CCSER1: variants seen among roughly 807,000 people sequenced by gnomAD.
CCSER1 encodes coiled-coil serine rich protein 1, also known as serine-rich coiled-coil domain-containing protein 1.
A neutral mutation model predicts 82.0 loss-of-function variants in CCSER1; 41 were observed. The observed-to-expected ratio is 0.50, with a 90% CI of 0.39 to 0.65. The LOEUF is 0.65. Among genes scored for constraint, CCSER1 ranks in the 30% least tolerant of loss-of-function variants. The pLI, the probability that CCSER1 is intolerant of heterozygous loss-of-function variation, is 0.00. For missense variants in CCSER1, 1,119 were observed against 1,064.2 expected (o/e 1.05, Z -0.72); for synonymous variants, 414 against 383.9 (o/e 1.08, Z -0.92).
At chr4:90,222,575 C>T (rs972836978) in intron 1 of CCSER1, among the ~76,000 whole-genome samples, 5 of 152,094 alleles carry the variant, frequency 3.3e-5, no homozygotes, top group African/African-American at 9.7e-5. Context: ...AATTTACGCA[C>T]GTTTATTTTA....
chr4:90,859,288 A>G (rs531677325), intron 8 of CCSER1, among the ~76,000 whole-genome samples: 1 of 152,012 alleles, frequency 6.6e-6, no homozygotes, highest in South Asian at 2.1e-4. Context: ...AAGTTTATGA[A>G]TTTCACATTG....
In CCSER1 at chr4:91,434,654, C is replaced by T. The variant is rs371299656; in HGVS notation, c.2218-163918C>T. Among the ~76,000 whole-genome samples the T allele has an allele frequency of 1.7e-4, 26 of 152,218 alleles. No individual in the cohort carries two copies. The East Asian group carries it at 5.0e-3, about 29-fold the overall frequency. On this transcript the variant is annotated intron_variant, in intron 10 of 10. Transcript: ENST00000509176. Reference sequence around the variant, plus strand: ...GTATGAAGATTGATGGCAGTTTTTTCTGTTTTATCTATTTTATCTCATAAA... The same window carrying T: ...GTATGAAGATTGATGGCAGTTTTTTTTGTTTTATCTATTTTATCTCATAAA...
chr4:90,224,554 T>G (rs1318164824), intron 1 of CCSER1, among the ~76,000 whole-genome samples: 1 of 152,230 alleles, frequency 6.6e-6, no homozygotes, highest in African/African-American at 2.4e-5. Context: ...CTTTCAATTC[T>G]CTAATTATTA....
chr4:90,813,244 G>A (rs1758575237), intron 7 of CCSER1, among the ~76,000 whole-genome samples: 1 of 152,158 alleles, frequency 6.6e-6, no homozygotes, highest in Non-Finnish European at 1.5e-5. Context: ...AAAACAAAAG[G>A]GCCACAGGCC....
At chr4:91,158,081 G>T (rs1248000470) in intron 10 of CCSER1, among the ~76,000 whole-genome samples, 3 of 151,876 alleles carry the variant, frequency 2.0e-5, no homozygotes, top group Non-Finnish European at 4.4e-5. Flanking sequence ...TGATTTGAAA[G>T]GATTTGTGCT....
At chr4:91,440,203 A>G (rs982751381) in intron 10 of CCSER1, among the ~76,000 whole-genome samples, 7 of 152,172 alleles carry the variant, frequency 4.6e-5, no homozygotes, top group Non-Finnish European at 7.3e-5. Flanking sequence ...AAAATAGACC[A>G]CATAGTTGGA....
At position 91,599,734 on chromosome 4, in the gene CCSER1, G is replaced by A. The variant is rs1236790556; in HGVS notation, c.*677G>A. The A allele has an allele frequency of 9.2e-5, 14 of 152,062 alleles. No individual in the cohort carries two copies. The highest frequency in any genetic ancestry group is 9.2e-4 in the Admixed American group (14 of 15,238). The allele number at this position is 152,062 out of a possible 1,614,324, so 9.4% of individuals were successfully genotyped here. ...AGTAATTGCTAGCCAAATAGAGAAT[G>A]ACAGCTCTGATCTTTGAAAAATTTT... On this transcript the variant is annotated 3_prime_UTR_variant, in exon 11 of 11. Transcript: ENST00000509176.
intron 10 of CCSER1, among the ~76,000 whole-genome samples, chr4:91,382,251 G>A (rs761127792): frequency 3.3e-5 from 5 of 152,108 alleles, no homozygotes; most frequent in Non-Finnish European, 7.4e-5. Context: ...ATGGGATAAG[G>A]AAACCTGCAG....
intron 3 of CCSER1, among the ~76,000 whole-genome samples, chr4:90,332,120 G>T (rs370611915): frequency 6.6e-6 from 1 of 151,994 alleles, no homozygotes; most frequent in Non-Finnish European, 1.5e-5. Flanking sequence ...TACTGTTCCC[G>T]CATGTGAATC....
At chr4:91,085,451 G>A (rs937520621) in intron 9 of CCSER1, among the ~76,000 whole-genome samples, 1 of 152,050 alleles carries the variant, frequency 6.6e-6, no homozygotes, top group African/African-American at 2.4e-5. Context: ...ATATTGTGGA[G>A]ATCAGGTATG....
chr4:91,029,772 T>C (rs2150551447), intron 9 of CCSER1, among the ~76,000 whole-genome samples: 1 of 152,212 alleles, frequency 6.6e-6, no homozygotes, highest in South Asian at 2.1e-4. Context: ...GCTGTTCTGG[T>C]GATTAAATCA....
At chr4:90,535,975 A>AACATAACAT (rs1439236401) in intron 5 of CCSER1, among the ~76,000 whole-genome samples, 1 of 152,006 alleles carries the variant, frequency 6.6e-6, no homozygotes, top group Non-Finnish European at 1.5e-5. Context: ...CCTTGATTGT[A>AACATAACAT]ACATAACATA....
intron 10 of CCSER1, among the ~76,000 whole-genome samples, chr4:91,193,852 T>TC (rs1486791348): frequency 1.3e-5 from 2 of 152,174 alleles, no homozygotes; most frequent in Non-Finnish European, 2.9e-5. Context: ...TGGCCTGATG[T>TC]CCCTTATGAT....
intron 10 of CCSER1, among the ~76,000 whole-genome samples, chr4:91,362,984 G>T (rs1749349810): frequency 6.6e-6 from 1 of 151,662 alleles, no homozygotes; most frequent in Non-Finnish European, 1.5e-5. Context: ...AACAATCCAA[G>T]CTCAGTTTCA....
At chr4:90,268,415 G>A (rs1189413900) in intron 1 of CCSER1, among the ~76,000 whole-genome samples, 2 of 152,068 alleles carry the variant, frequency 1.3e-5, no homozygotes, top group African/African-American at 2.4e-5. Context: ...TTAAAGTGCA[G>A]AGTTTATATT....
chr4:90,974,462 G>A (rs1162689802), intron 9 of CCSER1, among the ~76,000 whole-genome samples: 5 of 147,740 alleles, frequency 3.4e-5, no homozygotes, highest in Admixed American at 2.7e-4. Context: ...TGAAAAAAAA[G>A]AAAAAGGCTT....
At chr4:90,761,715 C>T (rs1183882035) in intron 7 of CCSER1, among the ~76,000 whole-genome samples, 2 of 152,066 alleles carry the variant, frequency 1.3e-5, no homozygotes, top group African/African-American at 4.8e-5. Context: ...TGACACAAAG[C>T]TTCCCTAAAG....
intron 7 of CCSER1, among the ~76,000 whole-genome samples, chr4:90,733,176 C>A (rs145514429): frequency 6.6e-6 from 1 of 152,316 alleles, no homozygotes; most frequent in East Asian, 1.9e-4. Flanking sequence ...CTTCTCTTCA[C>A]ATCCTCCAAA....
intron 9 of CCSER1, among the ~76,000 whole-genome samples, chr4:91,003,207 AT>A (rs1309716799): frequency 6.6e-6 from 1 of 152,044 alleles, no homozygotes; most frequent in Non-Finnish European, 1.5e-5. Flanking sequence ...TTAAGGTATT[AT>A]TTTTGTACGA....
Sources: gnomAD v4.1 joint callset for allele counts (sites outside exome capture counted in the v4.1 genomes callset) on GRCh38, gnomAD v4.1.1 for gene constraint, MANE v1.5 for transcripts, NCBI Gene and HGNC (gene_info 2026-07-23, HGNC 2026-07-21) for gene names.